The following LYPLAL1 variants were observed in gnomAD, a reference collection of about 807,000 sequenced individuals.
The protein encoded by LYPLAL1 is lysophospholipase-like protein 1.
LYPLAL1 carries 23 observed loss-of-function variants against 19.7 expected under a neutral mutation model. That is an observed-to-expected ratio of 1.17 (90% confidence interval 0.84 to 1.65). The LOEUF is 1.65. Ranked by LOEUF, LYPLAL1 falls within the 40% of genes most tolerant of loss-of-function variation. The probability of loss-of-function intolerance (pLI) is 0.00; values close to 1 mark genes in which losing one functional copy is unlikely to be tolerated. For missense variants in LYPLAL1, 355 were observed against 279.4 expected (o/e 1.27, Z -1.93); for synonymous variants, 119 against 96.3 (o/e 1.24, Z -1.38).
the LYPLAL1 span, among the ~76,000 whole-genome samples, chr1:219,227,594 G>C: frequency 5.3e-5 from 8 of 152,072 alleles, no homozygotes; most frequent in Non-Finnish European, 1.0e-4. Context: ...AACTTTTGCT[G>C]TACAACATGA....
the LYPLAL1 span, among the ~76,000 whole-genome samples, chr1:219,231,679 C>T: frequency 6.6e-6 from 1 of 152,076 alleles, no homozygotes; most frequent in African/African-American, 2.4e-5. Flanking sequence ...CATTTTTAAA[C>T]AGATGGCAAA....
the LYPLAL1 span, among the ~76,000 whole-genome samples, chr1:219,237,884 C>T: frequency 6.6e-6 from 1 of 152,140 alleles, no homozygotes. Context: ...GTAACTTTAT[C>T]CCCAGCATCT....
chr1:219,200,341 A>G, intron 3 of LYPLAL1: 1 of 201,996 alleles, frequency 5.0e-6, no homozygotes. Flanking sequence ...CCATCATAAG[A>G]AAAAGTATCT....
chr1:219,272,687 T>G, the LYPLAL1 span: 1 of 151,958 alleles, frequency 6.6e-6, no homozygotes, highest in East Asian at 1.9e-4. Context: ...GCAAATTGCT[T>G]AAACTCGGAA....
At chr1:219,223,802 TA>T in the LYPLAL1 span, among the ~76,000 whole-genome samples, 1 of 152,302 alleles carries the variant, frequency 6.6e-6, no homozygotes, top group Admixed American at 6.5e-5. Context: ...AAATTTGTTT[TA>T]GGGGTAATTA....
At chr1:219,202,187 A>G (rs978685821) in intron 3 of LYPLAL1, among the ~76,000 whole-genome samples, 1 of 152,184 alleles carries the variant, frequency 6.6e-6, no homozygotes, top group South Asian at 2.1e-4. Flanking sequence ...GGATGATGGT[A>G]ATAATATCTA....
chr1:219,298,914 C>A, the LYPLAL1 span, among the ~76,000 whole-genome samples: 901 of 152,174 alleles, frequency 5.9e-3, 9 homozygotes, highest in Non-Finnish European at 9.4e-3. Context: ...ACTTTCCAGG[C>A]GGAATTCCTA....
chr1:219,177,082 A>G (rs1278519078), intron 1 of LYPLAL1, among the ~76,000 whole-genome samples: 1 of 152,244 alleles, frequency 6.6e-6, no homozygotes, highest in Non-Finnish European at 1.5e-5. Flanking sequence ...GTTATGCCTC[A>G]CTGCAAAGAT....
chr1:219,363,318 G>A, the LYPLAL1 span, among the ~76,000 whole-genome samples: 2 of 152,144 alleles, frequency 1.3e-5, no homozygotes, highest in South Asian at 4.1e-4. Context: ...AATATGCCTA[G>A]TAAACACTAG....
the LYPLAL1 span, among the ~76,000 whole-genome samples, chr1:219,244,258 T>C: frequency 6.6e-6 from 1 of 151,798 alleles, no homozygotes; most frequent in Non-Finnish European, 1.5e-5. Flanking sequence ...CAATAAGAAA[T>C]ATAAAGAAAG....
chr1:219,173,881 G>C lies in LYPLAL1; in HGVS notation c.-10G>C. 1 of 1,611,502 alleles carries C rather than the reference G, an allele frequency of 6.2e-7. No homozygotes were observed. The highest frequency in any genetic ancestry group is 8.5e-7 in the Non-Finnish European group (1 of 1,179,882). ...GGGGCGGAACCGCATGACTGGCAGTGGCATCAGCGATGGCGGCTGCGTCGG... is the reference window on the plus strand; with the variant it reads ...GGGGCGGAACCGCATGACTGGCAGTCGCATCAGCGATGGCGGCTGCGTCGG... On this transcript the variant is annotated 5_prime_UTR_variant, in exon 1 of 5. Transcript: ENST00000366928.
At chr1:219,305,896 T>C in the LYPLAL1 span, among the ~76,000 whole-genome samples, 9,187 of 152,296 alleles carry the variant, frequency 0.06, 554 homozygotes, top group East Asian at 0.22. Context: ...TACTTCCATT[T>C]TGTTTATGCG....
At chr1:219,304,603 G>A in the LYPLAL1 span, among the ~76,000 whole-genome samples, 9 of 152,318 alleles carry the variant, frequency 5.9e-5, no homozygotes, top group Middle Eastern at 3.4e-3. Context: ...TAACAAATTA[G>A]CAGTGAAGAC....
chr1:219,207,826 T>C (rs1467948931), intron 3 of LYPLAL1, among the ~76,000 whole-genome samples: 1 of 152,052 alleles, frequency 6.6e-6, no homozygotes, highest in Non-Finnish European at 1.5e-5. Flanking sequence ...TAAGAAAAAT[T>C]TCTAGTATGA....
chr1:219,318,023 CAG>C, the LYPLAL1 span, among the ~76,000 whole-genome samples: 1 of 152,244 alleles, frequency 6.6e-6, no homozygotes, highest in African/African-American at 2.4e-5. Context: ...GTGTTCAAGT[CAG>C]AGTGTTGACC....
the LYPLAL1 span, chr1:219,271,843 A>G: frequency 2.0e-5 from 3 of 152,246 alleles, no homozygotes; most frequent in Non-Finnish European, 4.4e-5. Flanking sequence ...TTTCCCCTAA[A>G]CAACTATAAA....
the LYPLAL1 span, among the ~76,000 whole-genome samples, chr1:219,419,594 C>CACACACAGAGAGAGAGAGAG: frequency 1.0e-5 from 1 of 99,530 alleles, no homozygotes; most frequent in African/African-American, 4.0e-5. Flanking sequence ...CACACACACA[C>CACACACAGAGAGAGAGAGAG]AGAGAGAGAG....
the LYPLAL1 span, chr1:219,272,493 G>A: frequency 6.6e-6 from 1 of 152,266 alleles, no homozygotes; most frequent in East Asian, 1.9e-4. Context: ...GAAATGATCT[G>A]GGCCTGGTGG....
chr1:219,328,708 C>T, the LYPLAL1 span, among the ~76,000 whole-genome samples: 1 of 152,094 alleles, frequency 6.6e-6, no homozygotes. Flanking sequence ...TATACAGTAT[C>T]TATATCAATA....
Sources: gnomAD v4.1 joint callset for allele counts (sites outside exome capture counted in the v4.1 genomes callset) on GRCh38, gnomAD v4.1.1 for gene constraint, MANE v1.5 for transcripts, NCBI Gene and HGNC (gene_info 2026-07-23, HGNC 2026-07-21) for gene names.